The following TBC1D22A variants were observed in gnomAD, a reference collection of about 807,000 sequenced individuals.
TBC1D22A encodes the protein TBC1 domain family member 22A.
A neutral mutation model predicts 60.2 loss-of-function variants in TBC1D22A; 38 were observed. The observed-to-expected ratio is 0.63, with a 90% CI of 0.49 to 0.83. TBC1D22A has a LOEUF of 0.83. TBC1D22A is among the 40% of genes least tolerant of loss of function. The probability of loss-of-function intolerance (pLI) is 0.00; values close to 1 mark genes in which losing one functional copy is unlikely to be tolerated. For synonymous variants in TBC1D22A, 302 were observed against 281.7 expected (o/e 1.07, Z -0.72); for missense variants, 628 against 701.0 (o/e 0.90, Z 1.18).
intron 11 of TBC1D22A, among the ~76,000 whole-genome samples, chr22:47,064,135 C>G (rs575858489): frequency 7.2e-5 from 11 of 152,250 alleles, no homozygotes; most frequent in African/African-American, 2.7e-4. Context: ...CGGATCCACT[C>G]GCTGTGGACA....
chr22:47,041,657 T>C (rs1313799407), intron 11 of TBC1D22A, among the ~76,000 whole-genome samples: 1 of 152,250 alleles, frequency 6.6e-6, no homozygotes, highest in Non-Finnish European at 1.5e-5. Flanking sequence ...GTTCTGTGCT[T>C]AGCTGTGCAT....
intron 12 of TBC1D22A, among the ~76,000 whole-genome samples, chr22:47,139,751 C>G (rs1167753894): frequency 6.6e-6 from 1 of 152,232 alleles, no homozygotes; most frequent in Admixed American, 6.5e-5. Context: ...GAGCTGCGCT[C>G]GCTAAGACCC....
intron 4 of TBC1D22A, among the ~76,000 whole-genome samples, chr22:46,833,137 C>T (rs865908262): frequency 3.3e-5 from 5 of 152,234 alleles, no homozygotes; most frequent in Non-Finnish European, 7.3e-5. Flanking sequence ...TGGGAAGATA[C>T]ATATGAGTTA....
At chr22:46,918,194 T>C (rs1557500) in intron 8 of TBC1D22A, among the ~76,000 whole-genome samples, 97,539 of 152,134 alleles carry the variant, frequency 0.64, 31,487 homozygotes, top group South Asian at 0.78. Flanking sequence ...CTTTCTTTGT[T>C]GCTGCCTGTG....
intron 11 of TBC1D22A, among the ~76,000 whole-genome samples, chr22:47,091,031 G>T (rs1381609262): frequency 4.9e-5 from 6 of 122,150 alleles, no homozygotes; most frequent in East Asian, 5.6e-4. Flanking sequence ...AGACAGGCAT[G>T]AGAAGTCGTC....
chr22:46,847,891 T>A (rs2087075201), intron 4 of TBC1D22A, among the ~76,000 whole-genome samples: 1 of 151,612 alleles, frequency 6.6e-6, no homozygotes, highest in Non-Finnish European at 1.5e-5. Flanking sequence ...TGATGGCACC[T>A]AGAGAAATAG....
intron 10 of TBC1D22A, among the ~76,000 whole-genome samples, chr22:47,022,558 A>G (rs1320669895): frequency 6.7e-6 from 1 of 148,760 alleles, no homozygotes; most frequent in Non-Finnish European, 1.5e-5. Context: ...TCTCAAAAAA[A>G]AAAACACCAA....
intron 10 of TBC1D22A, among the ~76,000 whole-genome samples, chr22:47,004,674 CTACACACATGCCTATA>C (rs2061522433): frequency 6.8e-6 from 1 of 146,456 alleles, no homozygotes; most frequent in Non-Finnish European, 1.5e-5. Flanking sequence ...ACACACACAC[CTACACACATGCCTATA>C]TACACACATA....
chr22:47,154,133 A>C (rs183720730), intron 12 of TBC1D22A, among the ~76,000 whole-genome samples: 1 of 152,130 alleles, frequency 6.6e-6, no homozygotes, highest in Non-Finnish European at 1.5e-5. Flanking sequence ...GGCCTCCAGC[A>C]CTGTCTCCAG....
intron 10 of TBC1D22A, among the ~76,000 whole-genome samples, chr22:47,003,027 A>G (rs531341984): frequency 1.2e-4 from 19 of 152,268 alleles, no homozygotes; most frequent in Admixed American, 1.2e-3. Context: ...TCTCTTTAGT[A>G]AAAAATGGAA....
intron 12 of TBC1D22A, among the ~76,000 whole-genome samples, chr22:47,126,106 C>T (rs1029332232): frequency 1.3e-5 from 2 of 152,166 alleles, no homozygotes; most frequent in Non-Finnish European, 1.5e-5. Context: ...CTCAGCCTCC[C>T]GAGTAGCTGG....
chr22:46,885,140 C>T (rs896923605), intron 5 of TBC1D22A, among the ~76,000 whole-genome samples: 7 of 152,204 alleles, frequency 4.6e-5, no homozygotes, highest in African/African-American at 1.2e-4. Context: ...TTCAGCGTCT[C>T]TGTATCCAGG....
intron 7 of TBC1D22A, among the ~76,000 whole-genome samples, chr22:46,898,251 T>A (rs1170733277): frequency 6.6e-6 from 1 of 152,176 alleles, no homozygotes; most frequent in Admixed American, 6.5e-5. Context: ...TGGCAATTGG[T>A]CCTCTTGTCT....
intron 11 of TBC1D22A, among the ~76,000 whole-genome samples, chr22:47,043,650 G>A (rs1286914524): frequency 6.6e-6 from 1 of 152,126 alleles, no homozygotes; most frequent in East Asian, 1.9e-4. Context: ...ATGTGAGCAG[G>A]GTCTGGGGGC....
At chr22:46,806,786 G>A (rs2085159173) in intron 4 of TBC1D22A, among the ~76,000 whole-genome samples, 1 of 152,198 alleles carries the variant, frequency 6.6e-6, no homozygotes, top group East Asian at 1.9e-4. Context: ...AGAGGGCGGA[G>A]GTGAGTGCCT....
At chr22:47,132,561 C>T (rs1040901964) in intron 12 of TBC1D22A, among the ~76,000 whole-genome samples, 5 of 152,228 alleles carry the variant, frequency 3.3e-5, no homozygotes, top group Admixed American at 6.5e-5. Flanking sequence ...CTCCTGCCTC[C>T]GACCCCACAG....
chr22:46,991,513 G>A (rs576272152), intron 9 of TBC1D22A, among the ~76,000 whole-genome samples: 2 of 152,332 alleles, frequency 1.3e-5, no homozygotes, highest in South Asian at 2.1e-4. Context: ...TGCATGAGCC[G>A]AGCAGTCAGC....
chr22:46,770,567 G>A (rs1701406564), intron 1 of TBC1D22A, among the ~76,000 whole-genome samples: 1 of 152,226 alleles, frequency 6.6e-6, no homozygotes, highest in Admixed American at 6.5e-5. Context: ...CTTGGATGTG[G>A]GCAGGAGTAC....
rs114048468 is a variant in TBC1D22A at position 46,951,574 on chromosome 22, C to G, written c.1016-22716C>G. On this transcript the variant is annotated intron_variant, in intron 8 of 12. Coordinates refer to ENST00000337137, the MANE Select transcript of TBC1D22A (RefSeq NM_014346.5). ...GCCAGTTAGGGGCTGTCACTGCAGC[C>G]GGCGCCATCTTGGAGCCCTCGGAGC... is the stretch of plus-strand genomic sequence containing the variant. Among the ~76,000 whole-genome samples, 3 of 152,132 alleles carry G rather than the reference C, an allele frequency of 2.0e-5. No individual in the cohort carries two copies. The East Asian group carries it at 5.8e-4, about 29-fold the overall frequency.
Sources: gnomAD v4.1 joint callset for allele counts (sites outside exome capture counted in the v4.1 genomes callset) on GRCh38, gnomAD v4.1.1 for gene constraint, MANE v1.5 for transcripts, NCBI Gene and HGNC (gene_info 2026-07-23, HGNC 2026-07-21) for gene names.